DENND2B: variants seen among roughly 807,000 people sequenced by gnomAD.
DENND2B encodes DENN domain-containing protein 2B.
DENND2B carries 32 observed loss-of-function variants against 116.0 expected under a neutral mutation model. The ratio of observed to expected loss-of-function variants is 0.28; its 90% CI spans 0.21 to 0.37. The LOEUF is 0.37. Among genes scored for constraint, DENND2B ranks in the 10% least tolerant of loss-of-function variants. DENND2B has a pLI of 1.00. For missense variants in DENND2B, 1,276 were observed against 1,477.7 expected, an observed-to-expected ratio of 0.86 and a Z score of 2.24; for synonymous variants, 588 against 583.9, an observed-to-expected ratio of 1.01 and a Z score of -0.10.
intron 3 of DENND2B, among the ~76,000 whole-genome samples, chr11:8,840,639 T>C (rs2062592426): frequency 6.6e-6 from 1 of 152,160 alleles, no homozygotes; most frequent in South Asian, 2.1e-4. Context: ...CCGGCCAAGA[T>C]GAAAGTTTTT....
chr11:8,818,133 G>A, intron 4 of DENND2B, among the ~76,000 whole-genome samples: 1 of 27,446 alleles, frequency 3.6e-5, no homozygotes, highest in Admixed American at 8.2e-4. Flanking sequence ...ATGGTGGCAG[G>A]CGCCTGTAAT....
chr11:8,839,547 T>C (rs1036579093), intron 3 of DENND2B, among the ~76,000 whole-genome samples: 1 of 152,172 alleles, frequency 6.6e-6, no homozygotes, highest in African/African-American at 2.4e-5. Flanking sequence ...TTTCTACCCA[T>C]GCTCAGGGCA....
At chr11:8,753,256 AT>A (rs1179037771) in intron 1 of DENND2B, among the ~76,000 whole-genome samples, 1 of 152,210 alleles carries the variant, frequency 6.6e-6, no homozygotes, top group Non-Finnish European at 1.5e-5. Context: ...AAAAAAATCA[AT>A]TTTATTTCTA....
intron 16 of DENND2B, among the ~76,000 whole-genome samples, chr11:8,698,554 T>C (rs906657222): frequency 4.6e-5 from 7 of 152,310 alleles, no homozygotes; most frequent in Middle Eastern, 3.4e-3. Context: ...TACATAACAA[T>C]CTATAGTTAT....
rs148024690 is a variant in DENND2B, at chr11:8,844,340, C to T, written c.-155-4990G>A. On this transcript the variant is annotated intron_variant, in intron 3 of 6. Coordinates refer to the DENND2B transcript ENST00000524757. ...GCTTGAGCCCGGGAGATCGAGGCTG[C>T]AGTGAGCCATGATTGCACCACTGTA... Among the ~76,000 whole-genome samples the T allele has an allele frequency of 2.6e-3, 394 of 152,280 alleles. 4 individuals are homozygous for T. Among genetic ancestry groups the T allele is most frequent in the African/African-American group, 9.2e-3 (381 of 41,556 alleles).
At chr11:8,903,270 G>A (rs1339372258) in intron 1 of DENND2B, among the ~76,000 whole-genome samples, 3 of 151,814 alleles carry the variant, frequency 2.0e-5, no homozygotes, top group South Asian at 2.1e-4. Flanking sequence ...AAAATTAGTC[G>A]GGTGTGGTGG....
chr11:8,725,987 A>C, intron 4 of DENND2B, 86 bp downstream of exon 4: 1 of 1,595,002 alleles, frequency 6.3e-7, no homozygotes, highest in East Asian at 2.2e-5. Context: ...CCCACAGTGA[A>C]GGAGGTCAAT....
chr11:8,885,821 A>C (rs1322849112), intron 1 of DENND2B, among the ~76,000 whole-genome samples: 1 of 152,224 alleles, frequency 6.6e-6, no homozygotes, highest in Non-Finnish European at 1.5e-5. Flanking sequence ...GGATTTTGGA[A>C]ATGGTGACAA....
intron 1 of DENND2B, among the ~76,000 whole-genome samples, chr11:8,772,128 TACAC>T (rs143227157): frequency 0.022 from 3,275 of 147,134 alleles, 40 homozygotes; most frequent in Middle Eastern, 0.069. Flanking sequence ...ATGGAAGCTC[TACAC>T]ACACACACAC....
rs541027812 is a variant in DENND2B, at chr11:8,909,231, C to G, written c.-256+1590G>C. 4.1e-4 allele frequency among the ~76,000 whole-genome samples: 62 copies of G among 152,158 alleles called. 1 individual carries two copies. The highest frequency in any genetic ancestry group is 6.8e-4 in the Non-Finnish European group (46 of 68,002). Reference sequence around the variant, plus strand: ...GCAACATAGGGAGACCCTGTCTCTACGAAACATTTAAAAAATTTGCAGGGC... The same window carrying G: ...GCAACATAGGGAGACCCTGTCTCTAGGAAACATTTAAAAAATTTGCAGGGC... On this transcript the variant is annotated intron_variant, in intron 1 of 22. Coordinates refer to the DENND2B transcript ENST00000534127.
At chr11:8,828,643 A>T (rs2062071182) in intron 4 of DENND2B, among the ~76,000 whole-genome samples, 1 of 152,102 alleles carries the variant, frequency 6.6e-6, no homozygotes, top group South Asian at 2.1e-4. Context: ...ATAGGAAACA[A>T]GGACTCGGAG....
chr11:8,755,317 A>G (rs897375833), intron 1 of DENND2B, among the ~76,000 whole-genome samples: 2 of 152,226 alleles, frequency 1.3e-5, no homozygotes, highest in African/African-American at 4.8e-5. Flanking sequence ...CATCTTACTT[A>G]TTACTTTGGT....
At chr11:8,889,233 T>C (rs1331756752) in intron 1 of DENND2B, among the ~76,000 whole-genome samples, 1 of 152,216 alleles carries the variant, frequency 6.6e-6, no homozygotes, top group Non-Finnish European at 1.5e-5. Context: ...TACAACAGAA[T>C]ATTATTCAGC....
chr11:8,893,726 C>T (rs193285064), intron 1 of DENND2B, among the ~76,000 whole-genome samples: 28 of 151,878 alleles, frequency 1.8e-4, no homozygotes, highest in African/African-American at 6.3e-4. Flanking sequence ...AACTACAAAC[C>T]GTTGCTCAAC....
chr11:8,766,736 A>G, intron 1 of DENND2B: 1 of 1,235,598 alleles, frequency 8.1e-7, no homozygotes, highest in Non-Finnish European at 1.1e-6. Flanking sequence ...CTGTTGATAC[A>G]ATAGTCAACT....
At chr11:8,773,340 G>A (rs1284505708) in intron 1 of DENND2B, among the ~76,000 whole-genome samples, 1 of 152,042 alleles carries the variant, frequency 6.6e-6, no homozygotes, top group Admixed American at 6.5e-5. Context: ...GGACAGACTC[G>A]AGGGCATCCA....
At chr11:8,747,979 T>A (rs78182154) in intron 2 of DENND2B, among the ~76,000 whole-genome samples, 14 of 152,206 alleles carry the variant, frequency 9.2e-5, no homozygotes, top group African/African-American at 3.1e-4. Flanking sequence ...AATACACACC[T>A]TGACAGTTAC....
At chr11:8,832,653 GTT>G (rs1214303144) in intron 4 of DENND2B, 1 of 152,566 alleles carries the variant, frequency 6.6e-6, no homozygotes, top group Non-Finnish European at 1.5e-5. Flanking sequence ...CAGAGGCAGA[GTT>G]GGGCAGAAAG....
In DENND2B at chr11:8,702,700, G is replaced by C; in HGVS notation, c.2592C>G (p.Pro864=). The part of the protein sequence containing the change: ...AGNEVLELRR[P]MDSRLEHVDF... ...CCACGTGCTCCAGCCTTGAGTCCATGGGCCGCCGCAGCTCTAACACCTGCA... is the reference window on the plus strand; with the variant it reads ...CCACGTGCTCCAGCCTTGAGTCCATCGGCCGCCGCAGCTCTAACACCTGCA... Residue 864 remains proline (P), a synonymous_variant, in exon 14 of 20, where the codon CCC becomes CCG. Transcript: ENST00000313726. The surrounding 1 kb of genome is among the most constrained non-coding windows in gnomAD (Gnocchi z 4.6). 2.5e-6 allele frequency: 4 copies of C among 1,613,602 alleles called. No homozygotes were observed. Among genetic ancestry groups the C allele is most frequent in the Non-Finnish European group, 2.5e-6 (3 of 1,179,958 alleles).
Sources: gnomAD v4.1 joint callset for allele counts (sites outside exome capture counted in the v4.1 genomes callset) on GRCh38, gnomAD v4.1.1 for gene constraint, Gnocchi (gnomAD v3.1) non-coding constraint, MANE v1.5 for transcripts, NCBI Gene and HGNC (gene_info 2026-07-23, HGNC 2026-07-21) for gene names.